The following DHRSX variants were observed in gnomAD, a reference collection of about 807,000 sequenced individuals.
DHRSX encodes the protein dehydrogenase/reductase X-linked.
DHRSX carries 31 observed loss-of-function variants against 34.0 expected under a neutral mutation model. The ratio of observed to expected loss-of-function variants is 0.91; its 90% CI spans 0.69 to 1.23. DHRSX has a LOEUF of 1.23. Among genes scored for constraint, DHRSX ranks in the 50% most tolerant of loss-of-function variants. The pLI is 0.00. For synonymous variants in DHRSX, 201 were observed against 183.8 expected, an observed-to-expected ratio of 1.09 and a Z score of -0.76; for missense variants, 414 against 428.1, an observed-to-expected ratio of 0.97 and a Z score of 0.29.
At position 2,425,255 on chromosome X, in the gene DHRSX, A is replaced by ATCTGTCCC. The variant is rs1569499739; in HGVS notation, c.151_158dup (p.Asp53GlufsTer23). 11 of 1,613,946 alleles carry ATCTGTCCC rather than the reference A, an allele frequency of 6.8e-6. No individual in the cohort carries two copies. Among genetic ancestry groups the ATCTGTCCC allele is most frequent in the Non-Finnish European group, 7.6e-6 (9 of 1,179,858 alleles). On this transcript the variant is annotated frameshift_variant, in exon 2 of 7. Coordinates refer to ENST00000334651, the MANE Select transcript of DHRSX (RefSeq NM_145177.3). LOFTEE classifies it high-confidence loss of function. ...GCTTCGCTGTAGAATAGCCAATGCCATCTGTCCCTCCCGTCACTATAGCGA... is the reference window on the plus strand; with the variant it reads ...GCTTCGCTGTAGAATAGCCAATGCCATCTGTCCCTCTGTCCCTCCCGTCACTATAGCGA...
intron 3 of DHRSX, among the ~76,000 whole-genome samples, chrX:2,378,090 A>G (rs761398642): frequency 1.3e-5 from 2 of 152,334 alleles, no homozygotes; most frequent in East Asian, 3.9e-4. Flanking sequence ...TGTCTGGTGC[A>G]ATAGTGACCT....
intron 1 of DHRSX, among the ~76,000 whole-genome samples, chrX:2,500,033 A>G (rs1034900124): frequency 8.5e-5 from 13 of 152,202 alleles, no homozygotes; most frequent in Admixed American, 3.3e-4. Flanking sequence ...ACAAAAAATA[A>G]TAATAATAAT....
chrX:2,226,540 C>T (rs1221975197), intron 6 of DHRSX, among the ~76,000 whole-genome samples: 16 of 152,146 alleles, frequency 1.1e-4, no homozygotes, highest in Non-Finnish European at 2.2e-4. Flanking sequence ...GTAGCTCACG[C>T]CTGTCACCCC....
intron 3 of DHRSX, among the ~76,000 whole-genome samples, chrX:2,313,150 T>C (rs906268472): frequency 6.8e-6 from 1 of 147,656 alleles, no homozygotes; most frequent in African/African-American, 2.5e-5. Flanking sequence ...TTACAGGCAC[T>C]TGCCACCACA....
intron 3 of DHRSX, among the ~76,000 whole-genome samples, chrX:2,298,157 C>G (rs767397938): frequency 3.3e-5 from 5 of 151,942 alleles, no homozygotes; most frequent in African/African-American, 1.2e-4. Flanking sequence ...AGCCACAAGC[C>G]GTGGGATGCC....
At chrX:2,490,257 T>A in intron 1 of DHRSX, 1 of 1,613,652 alleles carries the variant, frequency 6.2e-7, no homozygotes, top group Non-Finnish European at 8.5e-7. Flanking sequence ...GGGTCGGCCG[T>A]CTTCAGCAGC....
chrX:2,245,250 C>A (rs2016249627), intron 5 of DHRSX, among the ~76,000 whole-genome samples: 1 of 152,122 alleles, frequency 6.6e-6, no homozygotes. Flanking sequence ...CTGTGTCTCA[C>A]CTACCTGTGA....
At chrX:2,460,521 C>T (rs184761341) in intron 1 of DHRSX, among the ~76,000 whole-genome samples, 2,960 of 151,392 alleles carry the variant, frequency 0.02, 24 homozygotes, top group East Asian at 0.033. Flanking sequence ...TGGGCTCAAG[C>T]GATCCTTCAG....
intron 1 of DHRSX, among the ~76,000 whole-genome samples, chrX:2,437,690 AGAGAGAGAGTGTGTGTGTGTGTGT>A (rs1289089769): frequency 2.7e-5 from 2 of 75,230 alleles, no homozygotes; most frequent in African/African-American, 5.5e-5. Flanking sequence ...AGAGAGAGAG[AGAGAGAGAGTGTGTGTGTGTGTGT>A]GTGTGTGTGT....
At chrX:2,359,666 C>T (rs758243407) in intron 3 of DHRSX, among the ~76,000 whole-genome samples, 3 of 151,082 alleles carry the variant, frequency 2.0e-5, no homozygotes, top group East Asian at 3.9e-4. Flanking sequence ...GGTGACACAG[C>T]GAGACTCCAT....
At chrX:2,237,592 G>A (rs1053430954) in intron 6 of DHRSX, among the ~76,000 whole-genome samples, 7 of 150,486 alleles carry the variant, frequency 4.7e-5, no homozygotes, top group Non-Finnish European at 8.9e-5. Flanking sequence ...CACAATTTCC[G>A]CCCCCGGGTT....
intron 4 of DHRSX, among the ~76,000 whole-genome samples, chrX:2,282,812 A>G (rs1311011801): frequency 3.6e-5 from 3 of 83,110 alleles, no homozygotes; most frequent in Admixed American, 1.2e-4. Flanking sequence ...AGAAGAGAGA[A>G]AGAGAGAGAG....
chrX:2,339,293 G>A (rs1219774813), intron 3 of DHRSX, among the ~76,000 whole-genome samples: 1 of 151,638 alleles, frequency 6.6e-6, no homozygotes, highest in African/African-American at 2.4e-5. Context: ...GTGCCACCAG[G>A]CCTGGCTAAT....
intron 3 of DHRSX, among the ~76,000 whole-genome samples, chrX:2,307,147 T>G (rs73185794): frequency 0.34 from 51,908 of 151,838 alleles, 10,539 homozygotes; most frequent in Middle Eastern, 0.49. Flanking sequence ...AAGAATGAAA[T>G]CATGTTTTTA....
chrX:2,236,678 C>T lies in DHRSX; in HGVS notation c.804+6345G>A, dbSNP rs746980670. On this transcript the variant is annotated intron_variant, in intron 6 of 6. Coordinates refer to ENST00000334651, the MANE Select transcript of DHRSX (RefSeq NM_145177.3). ...AACTCCTGGCCTCATGTGATCCACC[C>T]GCCTCAGCCTCCCAAAGTGCTGGGA... Among the ~76,000 whole-genome samples the T allele has an allele frequency of 3.3e-5, 5 of 151,976 alleles. No homozygotes were observed. The South Asian group carries it at 6.2e-4, about 19-fold the overall frequency.
chrX:2,427,879 A>AT (rs1209470079), intron 1 of DHRSX, among the ~76,000 whole-genome samples: 7 of 152,140 alleles, frequency 4.6e-5, no homozygotes, highest in African/African-American at 1.4e-4. Context: ...AGACAATTTG[A>AT]TTTTTTAAAA....
chrX:2,314,848 C>T (rs2042223306), intron 3 of DHRSX, among the ~76,000 whole-genome samples: 2 of 152,002 alleles, frequency 1.3e-5, no homozygotes, highest in Non-Finnish European at 1.5e-5. Flanking sequence ...CACTATGGCT[C>T]GGAAGTCATT....
chrX:2,247,199 T>C (rs1012500930), intron 5 of DHRSX, among the ~76,000 whole-genome samples: 1 of 152,178 alleles, frequency 6.6e-6, no homozygotes, highest in Non-Finnish European at 1.5e-5. Context: ...TCCACCCACC[T>C]TGGCCTTCCA....
rs188753156 is a variant in DHRSX at position 2,471,645 on chromosome X, T to C, written c.109+29172A>G. On this transcript the variant is annotated intron_variant, in intron 1 of 6. Coordinates refer to ENST00000334651, the MANE Select transcript of DHRSX (RefSeq NM_145177.3). ...AATAGGGCATCAGGCACCCCAAAGA[T>C]TCCCAATGCTATTAACCAATCAAAT... is the stretch of plus-strand genomic sequence containing the variant. Among the ~76,000 whole-genome samples, 463 of 151,942 alleles carry C rather than the reference T, an allele frequency of 3.0e-3. 9 individuals are homozygous for C. The highest frequency in any genetic ancestry group is 9.8e-3 in the African/African-American group (405 of 41,394).
Sources: allele counts gnomAD v4.1 joint callset (sites outside exome capture counted in the v4.1 genomes callset), GRCh38; gene constraint gnomAD v4.1.1; transcripts MANE v1.5; gene names NCBI Gene and HGNC (gene_info 2026-07-23, HGNC 2026-07-21).